Variants in SEC24D observed in about 807,000 individuals in gnomAD.
SEC24D encodes protein transport protein Sec24D.
SEC24D carries 69 observed loss-of-function variants against 116.9 expected under a neutral mutation model. The ratio of observed to expected loss-of-function variants is 0.59; its 90% CI spans 0.49 to 0.72. The LOEUF (loss-of-function observed/expected upper bound fraction) is 0.72. Among genes scored for constraint, SEC24D ranks in the 30% least tolerant of loss-of-function variants. SEC24D has a pLI of 0.00. For synonymous variants in SEC24D, 405 were observed against 442.8 expected (o/e 0.91, Z 1.07); for missense variants, 1,131 against 1,264.1 (o/e 0.89, Z 1.60).
In SEC24D at chr4:118,744,964, C is replaced by T. The variant is rs1578391905; in HGVS notation, c.1804G>A (p.Val602Ile). ...KLKNRDDKKLVNTDKEKILFQ... is the reference protein window; with the variant it reads ...KLKNRDDKKLINTDKEKILFQ... The stretch of plus-strand genomic sequence containing the variant: ...AGTACCTTCTCTTTGTCTGTATTAA[C>T]CAGTTTTTTGTCATCTCTGTTTTTG... The change falls in exon 14 of 23, where the codon GTT becomes ATT. Residue 602 changes from valine (V) to isoleucine (I), a missense_variant. Coordinates refer to ENST00000280551, the MANE Select transcript of SEC24D (RefSeq NM_014822.4). 6.2e-7 allele frequency: 1 copy of T among 1,604,864 alleles called. No individual in the cohort carries two copies. The highest frequency in any genetic ancestry group is 8.5e-7 in the Non-Finnish European group (1 of 1,172,408).
At chr4:118,782,419 A>G (rs549201046) in intron 8 of SEC24D, among the ~76,000 whole-genome samples, 1 of 152,362 alleles carries the variant, frequency 6.6e-6, no homozygotes, top group Admixed American at 6.5e-5. Flanking sequence ...CAGAGGCTCC[A>G]GAACAGCAAA....
rs190662613 is a variant in SEC24D at position 118,794,186 on chromosome 4, T to G, written c.1041+3497A>C. Among the ~76,000 whole-genome samples, 499 of 152,288 alleles carry G rather than the reference T, an allele frequency of 3.3e-3. 3 individuals are homozygous for G. The highest frequency in any genetic ancestry group is 0.011 in the African/African-American group (470 of 41,558). On this transcript the variant is annotated intron_variant, in intron 8 of 22. Transcript: ENST00000280551. Reference sequence around the variant, plus strand: ...TATGCATTTTTTAGGAGGCTTAAACTAATGTTTGAAAGATTTTTTTCAACA... The same window carrying G: ...TATGCATTTTTTAGGAGGCTTAAACGAATGTTTGAAAGATTTTTTTCAACA...
At position 118,817,386 on chromosome 4, in the gene SEC24D, T is replaced by C. The variant is rs752859767; in HGVS notation, c.275A>G (p.Asn92Ser). Residue 92 changes from asparagine to serine, a missense_variant, in exon 4 of 23, where the codon AAT becomes AGT. Transcript: ENST00000280551. ...GTATGGTGCATGTGAGGATGCCACA[T>C]TGTTGACAGGTGGAGGGCCTGGAAA... is the stretch of plus-strand genomic sequence containing the variant. ...QRFPGPPPVNNVASSHAPYQP... is the reference protein window; with the variant it reads ...QRFPGPPPVNSVASSHAPYQP... 3.7e-6 allele frequency: 6 copies of C among 1,611,806 alleles called. No homozygotes were observed. The highest frequency in any genetic ancestry group is 1.1e-5 in the South Asian group (1 of 90,688).
At chr4:118,784,768 AAC>A (rs1728595780) in intron 8 of SEC24D, among the ~76,000 whole-genome samples, 1 of 150,336 alleles carries the variant, frequency 6.7e-6, no homozygotes, top group South Asian at 2.1e-4. Flanking sequence ...AATACACACA[AAC>A]ACACACTCAC....
Position 118,815,083 on chromosome 4 carries a change from A to G in SEC24D, c.746T>C (p.Met249Thr). ...CTTCTGGGGCTGTGGCGGACCAGCC[A>G]TCTGTGCAGGACCTCCAGGGAAGCC... ...PGGFPGGPAQMAGPPQPQKKL... is the reference protein window; with the variant it reads ...PGGFPGGPAQTAGPPQPQKKL... Residue 249 changes from methionine to threonine, a missense_variant, in exon 6 of 23, where the codon ATG (methionine) becomes ACG (threonine). Met to Thr is a moderately conservative substitution (Grantham distance 81). Transcript: ENST00000280551. 6.2e-7 allele frequency: 1 copy of G among 1,614,208 alleles called. No homozygotes were observed. The highest frequency in any genetic ancestry group is 8.5e-7 in the Non-Finnish European group (1 of 1,180,028).
intron 20 of SEC24D, 96 bp from the exon 21 acceptor site, chr4:118,731,603 C>T: frequency 7.3e-6 from 7 of 955,642 alleles, no homozygotes; most frequent in Non-Finnish European, 1.2e-5. Flanking sequence ...TCCCCTCCCT[C>T]AATGCATAGT....
chr4:118,826,824 G>A (rs1434017771), intron 2 of SEC24D, among the ~76,000 whole-genome samples: 1 of 151,802 alleles, frequency 6.6e-6, no homozygotes, highest in East Asian at 1.9e-4. Flanking sequence ...CAACTCTATG[G>A]CAGTGATTCA....
At chr4:118,774,333 A>G (rs1728041923) in intron 8 of SEC24D, among the ~76,000 whole-genome samples, 1 of 152,132 alleles carries the variant, frequency 6.6e-6, no homozygotes, top group Non-Finnish European at 1.5e-5. Flanking sequence ...AAATACTGAA[A>G]AATTTTACTG....
At position 118,763,961 on chromosome 4, in the gene SEC24D, T is replaced by C. The variant is rs572100821; in HGVS notation, c.1296+841A>G. 5.9e-5 allele frequency among the ~76,000 whole-genome samples: 9 copies of C among 152,290 alleles called. No individual in the cohort carries two copies. The South Asian group carries it at 1.7e-3, about 28-fold the overall frequency. ...AGACAGAGAAAGTTGCAAATGCATA[T>C]ACACAATTAAAATTTCAGCCAGGCA... On this transcript the variant is annotated intron_variant, in intron 10 of 22. Coordinates refer to ENST00000280551, the MANE Select transcript of SEC24D (RefSeq NM_014822.4).
At position 118,817,112 on chromosome 4, in the gene SEC24D, A is replaced by G. The variant is rs998382856; in HGVS notation, c.397+152T>C. 2.4e-5 allele frequency: 16 copies of G among 661,794 alleles called. No individual in the cohort carries two copies. In the African/African-American group the frequency reaches 2.6e-4, roughly 11 times the overall value. The allele number at this position is 661,794 out of a possible 1,614,324, so 41.0% of individuals were successfully genotyped here. A position where few individuals can be genotyped will look rare whatever the true frequency, so the allele number is the denominator to read the frequency against. ...AGAAAACAATTAACTATAGCCATACATAAGATAGATGCTTTATTATTAAAA... is the reference window on the plus strand; with the variant it reads ...AGAAAACAATTAACTATAGCCATACGTAAGATAGATGCTTTATTATTAAAA... On this transcript the variant is annotated intron_variant, in intron 4 of 22. Transcript: ENST00000280551.
chr4:118,782,235 G>T (rs940274279), intron 8 of SEC24D, among the ~76,000 whole-genome samples: 1 of 152,138 alleles, frequency 6.6e-6, no homozygotes, highest in Admixed American at 6.5e-5. Context: ...ATCTACCTTT[G>T]GTCTTTGATG....
chr4:118,738,207 G>T, intron 19 of SEC24D, 54 bp downstream of exon 19: 1 of 1,178,164 alleles, frequency 8.5e-7, no homozygotes, highest in Non-Finnish European at 1.3e-6. Flanking sequence ...ATGTGCTGAA[G>T]AAATGAGTAG....
intron 6 of SEC24D, among the ~76,000 whole-genome samples, chr4:118,809,570 T>C (rs1163969085): frequency 2.6e-5 from 4 of 152,174 alleles, no homozygotes; most frequent in Non-Finnish European, 5.9e-5. Context: ...AAGATAAAAA[T>C]AAATACTGGA....
chr4:118,820,354 T>A (rs35934778), intron 3 of SEC24D, among the ~76,000 whole-genome samples: 53,772 of 151,760 alleles, frequency 0.35, 10,586 homozygotes, highest in East Asian at 0.55. Flanking sequence ...CTAATTTTTG[T>A]ATTTTTAGTA....
rs371196517 is a variant in SEC24D, at chr4:118,732,921, G to C, written c.2497-9C>G. The C allele has an allele frequency of 8.7e-6, 14 of 1,611,424 alleles. No homozygotes were observed. Among genetic ancestry groups the C allele is most frequent in the African/African-American group, 1.3e-5 (1 of 74,848 alleles). ...GAATCTGGTAGAATAAGCTGAAAAA[G>C]ACAATTTTTTGTTTCATACGCTTGA... On this transcript the variant is annotated splice_polypyrimidine_tract_variant and intron_variant, in intron 19 of 22. Coordinates refer to ENST00000280551, the MANE Select transcript of SEC24D (RefSeq NM_014822.4).
intron 8 of SEC24D, among the ~76,000 whole-genome samples, chr4:118,776,602 A>G (rs1728139875): frequency 6.6e-6 from 1 of 152,222 alleles, no homozygotes; most frequent in African/African-American, 2.4e-5. Context: ...AGTTAAGGGC[A>G]TATTTGCAAA....
At chr4:118,753,156 A>G (rs1303152327) in intron 11 of SEC24D, among the ~76,000 whole-genome samples, 2 of 152,290 alleles carry the variant, frequency 1.3e-5, no homozygotes, top group South Asian at 4.1e-4. Flanking sequence ...TTTCTGTAAC[A>G]TATTTATTTT....
intron 2 of SEC24D, among the ~76,000 whole-genome samples, chr4:118,830,012 G>C (rs1020753388): frequency 4.6e-5 from 7 of 152,196 alleles, no homozygotes; most frequent in Non-Finnish European, 4.4e-5. Flanking sequence ...TAAAAGGCTA[G>C]ACAAGAAGAC....
intron 3 of SEC24D, among the ~76,000 whole-genome samples, chr4:118,822,018 C>CT (rs775562212): frequency 9.2e-5 from 14 of 152,150 alleles, no homozygotes; most frequent in Non-Finnish European, 1.5e-4. Context: ...ATTCTTTAAG[C>CT]TATCAAGAGA....
Sources: allele counts gnomAD v4.1 joint callset (sites outside exome capture counted in the v4.1 genomes callset), GRCh38; gene constraint gnomAD v4.1.1; transcripts MANE v1.5; gene names NCBI Gene and HGNC (gene_info 2026-07-23, HGNC 2026-07-21).